DCST1: variants seen among roughly 807,000 people sequenced by gnomAD.
DCST1 encodes DC-STAMP domain containing 1, also known as E3 ubiquitin-protein ligase DCST1.
In DCST1, 78 loss-of-function variants were observed where a neutral mutation model predicts 89.1. The observed-to-expected ratio is 0.88, with a 90% CI of 0.73 to 1.06. The LOEUF is 1.06. DCST1 is among the 50% of genes least tolerant of loss of function. The probability of loss-of-function intolerance (pLI) is 0.00; values close to 1 mark genes in which losing one functional copy is unlikely to be tolerated. For synonymous variants in DCST1, 364 were observed against 371.9 expected (o/e 0.98, Z 0.24); for missense variants, 900 against 928.6 (o/e 0.97, Z 0.40).
At chr1:155,048,941 G>A (rs1217916550) in intron 16 of DCST1, 3 of 700,042 alleles carry the variant, frequency 4.3e-6, no homozygotes, top group Non-Finnish European at 8.0e-6. Context: ...TGGAATCTGA[G>A]GAAGCAGACT....
intron 14 of DCST1, 119 bp from the exon 15 acceptor site, chr1:155,047,668 G>GCT (rs1660700184): frequency 2.3e-6 from 2 of 877,232 alleles, no homozygotes; most frequent in East Asian, 2.6e-5. Context: ...TGAGGGGCAG[G>GCT]CAGGAGGAGA....
rs376883944 is a variant in DCST1 at position 155,034,439 on chromosome 1, G to A, written c.66G>A (p.Val22=). ...GQRRKQPHTT[V]QRLLTWGLPV... is the part of the protein sequence containing the mutation. The stretch of plus-strand genomic sequence containing the variant: ...GCTACCCTGTCCCCCTCTTAGCGGT[G>A]CAGAGGCTCCTGACCTGGGGGCTGC... Residue 22 remains valine (V), a synonymous_variant, in exon 3 of 17, where the codon GTG becomes GTA. Transcript: ENST00000295542. 4 of 1,613,930 alleles carry A rather than the reference G, an allele frequency of 2.5e-6. No individual in the cohort carries two copies. In the African/African-American group the frequency reaches 4.0e-5, roughly 16 times the overall value.
Position 155,046,482 on chromosome 1 carries a change from C to T in DCST1, c.1491C>T (p.Phe497=). 6.2e-7 allele frequency: 1 copy of T among 1,613,980 alleles called. No individual in the cohort carries two copies. The highest frequency in any genetic ancestry group is 1.3e-5 in the African/African-American group (1 of 75,028). Residue 497 remains phenylalanine, a synonymous_variant, in exon 13 of 17, where the codon TTC becomes TTT. Coordinates refer to ENST00000295542, the MANE Select transcript of DCST1 (RefSeq NM_152494.4). The part of the protein sequence containing the change: ...IRHHSFLQYS[F]RSSHKLEVKV... ...ACCACTCCTTCCTGCAGTACTCCTT[C>T]CGCAGTAAGCCCATCCCCCAGACAC...
Position 155,046,169 on chromosome 1 carries a change from C to G in DCST1, c.1317C>G (p.Thr439=). ...CACTCCGCAAAGCTGAGGAGAAAAC[C>G]GTCATCTTCCCTTGCAAGCCCACCA... ...LLPLRKAEEK[T]VIFPCKPTIQ... The change falls in exon 12 of 17, where the codon ACC becomes ACG. Residue 439 remains threonine, a synonymous_variant. Transcript: ENST00000295542. The G allele has an allele frequency of 6.2e-7, 1 of 1,614,192 alleles. No individual in the cohort carries two copies.
Position 155,045,636 on chromosome 1 carries a change from G to C in DCST1, c.1173-257G>C. On this transcript the variant is annotated intron_variant, in intron 10 of 16. Coordinates refer to ENST00000295542, the MANE Select transcript of DCST1 (RefSeq NM_152494.4). ...ACAGGCTGACCATGCCCTCCTCTGA[G>C]CCCCCACCTCATCCCCTACTCACTT... 5.9e-6 allele frequency: 3 copies of C among 511,840 alleles called. No individual in the cohort carries two copies. The South Asian group carries it at 6.2e-5, about 11-fold the overall frequency. 31.7% of individuals were successfully genotyped at this position (511,840 alleles called of 1,614,324 possible).
In DCST1 at chr1:155,043,507, T is replaced by C. The variant is rs781735139; in HGVS notation, c.1170T>C (p.His390=). The C allele has an allele frequency of 6.3e-7, 1 of 1,583,600 alleles. No individual in the cohort carries two copies. The highest frequency in any genetic ancestry group is 1.2e-5 in the South Asian group (1 of 85,700). ...LLSCTFLLVL[H]ASFSYMDSYN... is the part of the protein sequence containing the mutation. The stretch of plus-strand genomic sequence containing the variant: ...CCTGCACTTTCCTGCTGGTCCTGCA[T>C]GCGTGAGCCATAGTCCCCACCCCAG... Residue 390 remains histidine, a splice_region_variant and synonymous_variant, in exon 10 of 17, where the codon CAT becomes CAC. Transcript: ENST00000295542.
At chr1:155,034,132 C>T (rs1459415368) in intron 2 of DCST1, 35 bp downstream of exon 2, 4 of 1,612,270 alleles carry the variant, frequency 2.5e-6, no homozygotes, top group East Asian at 2.2e-5. Context: ...TATCCCTTGA[C>T]CTCCACTCTC....
Position 155,045,958 on chromosome 1 carries a change from A to T in DCST1, c.1238A>T (p.Tyr413Phe). The change falls in exon 11 of 17, where the codon TAC becomes TTC. Residue 413 changes from tyrosine (Y) to phenylalanine (F), a missense_variant. Transcript: ENST00000295542. ...TTTGACAACATCTACATCAGTACCT[A>T]CTTCTGCCAGATCGATGACCGCAGG... ...IRFDNIYIST[Y>F]FCQIDDRRKK... is the part of the protein sequence containing the mutation. 1 of 1,614,230 alleles carries T rather than the reference A, an allele frequency of 6.2e-7. No homozygotes were observed. Among genetic ancestry groups the T allele is most frequent in the Non-Finnish European group, 8.5e-7 (1 of 1,180,044 alleles).
rs367744256 is a variant in DCST1 at position 155,047,087 on chromosome 1, C to A, written c.1496-109C>A. On this transcript the variant is annotated intron_variant, in intron 13 of 16. Coordinates refer to ENST00000295542, the MANE Select transcript of DCST1 (RefSeq NM_152494.4). ...TCAGGAAGGGACAGAAAGACTCAGG[C>A]AGCTGAGAAGCATTTCTGTGTCTTG... 3.0e-4 allele frequency: 267 copies of A among 892,448 alleles called. 2 individuals are homozygous for A. In the African/African-American group the frequency reaches 3.9e-3, roughly 13 times the overall value. 55.3% of individuals were successfully genotyped at this position (892,448 alleles called of 1,614,324 possible). A position where few individuals can be genotyped will look rare whatever the true frequency, so the allele number is the denominator to read the frequency against.
intron 6 of DCST1, 75 bp from the exon 7 acceptor site, chr1:155,041,322 G>GACC: frequency 2.0e-6 from 3 of 1,497,094 alleles, no homozygotes; most frequent in Non-Finnish European, 2.8e-6. Context: ...GCTACTGGGG[G>GACC]AGGACAGGCC....
rs1660494236 is a variant in DCST1 at position 155,043,384 on chromosome 1, C to T, written c.1047C>T (p.Asn349=). 10 of 1,613,946 alleles carry T rather than the reference C, an allele frequency of 6.2e-6. No individual in the cohort carries two copies. The highest frequency in any genetic ancestry group is 2.7e-5 in the African/African-American group (2 of 74,904). Residue 349 remains asparagine, a synonymous_variant, in exon 10 of 17, where the codon AAC becomes AAT. Transcript: ENST00000295542. ...EEKQAGVLGL[N]TSWERVSTEV... ...AGCAGGCTGGGGTGCTGGGGCTCAA[C>T]ACAAGCTGGGAGCGCGTGAGCACCG...
At chr1:155,047,645 G>A in intron 14 of DCST1, 142 bp from the exon 15 acceptor site, 1 of 720,466 alleles carries the variant, frequency 1.4e-6, no homozygotes, top group East Asian at 2.7e-5. Flanking sequence ...GTACTGACAG[G>A]GCAGTTCTGC....
chr1:155,034,813 G>A (rs1334846568), intron 4 of DCST1, 86 bp downstream of exon 4: 1 of 1,457,290 alleles, frequency 6.9e-7, no homozygotes, highest in African/African-American at 1.4e-5. Context: ...GTCGGGACTT[G>A]TTTCTTCTGT....
intron 4 of DCST1, among the ~76,000 whole-genome samples, chr1:155,036,328 T>G (rs758576781): frequency 3.3e-5 from 5 of 152,218 alleles, no homozygotes; most frequent in African/African-American, 4.8e-5. Flanking sequence ...TTGATAACCT[T>G]TCACACAGCC....
chr1:155,045,833 T>C (rs1384633446), intron 10 of DCST1, 60 bp from the exon 11 acceptor site: 2 of 1,457,942 alleles, frequency 1.4e-6, no homozygotes, highest in Non-Finnish European at 1.9e-6. Context: ...AAGCCCATGT[T>C]TGGGGATAGA....
At chr1:155,039,759 G>T (rs1227615603) in intron 5 of DCST1, among the ~76,000 whole-genome samples, 1 of 152,048 alleles carries the variant, frequency 6.6e-6, no homozygotes, top group Non-Finnish European at 1.5e-5. Context: ...TGCACTTTGG[G>T]AGGCTGAGGT....
chr1:155,034,072 G>T lies in DCST1; in HGVS notation c.36G>T (p.Gly12=). ...AACATCATCAGAATGGCACAAGAGG[G>T]CAAAGAAGAAAACAGCCTCATACCA... ...DIKHHQNGTR[G]QRRKQPHTTV... Residue 12 remains glycine, a synonymous_variant, in exon 2 of 17, where the codon GGG becomes GGT. Transcript: ENST00000295542. 1 of 1,614,094 alleles carries T rather than the reference G, an allele frequency of 6.2e-7. No individual in the cohort carries two copies. The highest frequency in any genetic ancestry group is 1.1e-5 in the South Asian group (1 of 91,082).
chr1:155,050,829 C>A lies in DCST1; in HGVS notation c.2082C>A (p.Ala694=). Residue 694 remains alanine (A), a synonymous_variant, in exon 17 of 17, where the codon GCC becomes GCA. Coordinates refer to ENST00000295542, the MANE Select transcript of DCST1 (RefSeq NM_152494.4). ...CCCGCGAAGAGCTCTCTTCCTCCGCCTTTAGTGACAGCAACGACGACACTG... is the reference window on the plus strand; with the variant it reads ...CCCGCGAAGAGCTCTCTTCCTCCGCATTTAGTGACAGCAACGACGACACTG... ...CTPREELSSS[A]FSDSNDDTAY... 1 of 1,612,984 alleles carries A rather than the reference C, an allele frequency of 6.2e-7. No individual in the cohort carries two copies. The highest frequency in any genetic ancestry group is 8.5e-7 in the Non-Finnish European group (1 of 1,179,534).
Position 155,048,061 on chromosome 1 carries a change from A to C in DCST1, c.1760A>C (p.Glu587Ala), listed in dbSNP as rs1445966486. ...VIAAFYFPKREKKRILFLYND... is the reference protein window; with the variant it reads ...VIAAFYFPKRAKKRILFLYND... ...TGACCCCCTTCCTGCCCCCAGCGAG[A>C]GAAGAAGCGGATCCTGTTCCTCTAC... The change falls in exon 16 of 17, where the codon GAG becomes GCG. Residue 587 changes from glutamate to alanine, a missense_variant. Transcript: ENST00000295542. 1 of 1,613,810 alleles carries C rather than the reference A, an allele frequency of 6.2e-7. No individual in the cohort carries two copies. The highest frequency in any genetic ancestry group is 1.1e-5 in the South Asian group (1 of 91,044).
Sources: gnomAD v4.1 joint callset for allele counts (sites outside exome capture counted in the v4.1 genomes callset) on GRCh38, gnomAD v4.1.1 for gene constraint, MANE v1.5 for transcripts, NCBI Gene and HGNC (gene_info 2026-07-23, HGNC 2026-07-21) for gene names.